Variants in ADGRL1 observed in about 807,000 individuals in gnomAD.
The protein encoded by ADGRL1 is adhesion G protein-coupled receptor L1.
In ADGRL1, 31 loss-of-function variants were observed where a neutral mutation model predicts 148.9. That is an observed-to-expected ratio of 0.21 (90% CI 0.16 to 0.28). The LOEUF (loss-of-function observed/expected upper bound fraction) is 0.28, where lower values mean the gene tolerates loss of function less well. Ranked by LOEUF, ADGRL1 falls within the 10% of genes least tolerant of loss-of-function variation. The probability of loss-of-function intolerance (pLI) is 1.00; values close to 1 mark genes in which losing one functional copy is unlikely to be tolerated. For synonymous variants in ADGRL1, 937 were observed against 900.3 expected (o/e 1.04, Z -0.73); for missense variants, 1,521 against 2,058.8 (o/e 0.74, Z 5.05).
chr19:14,183,208 AGAG>A (rs2145023177), intron 2 of ADGRL1, among the ~76,000 whole-genome samples: 1 of 150,298 alleles, frequency 6.7e-6, no homozygotes, highest in East Asian at 2.0e-4. Flanking sequence ...AGAGAGAGAG[AGAG>A]AGAGAGCGAG....
chr19:14,164,060 ACT>A (rs769761032), intron 4 of ADGRL1, among the ~76,000 whole-genome samples: 1 of 149,414 alleles, frequency 6.7e-6, no homozygotes, highest in African/African-American at 2.5e-5. Context: ...AGGGGTTTCA[ACT>A]CTCTCCCCAG....
intron 1 of ADGRL1, among the ~76,000 whole-genome samples, chr19:14,200,145 G>A (rs1413737612): frequency 6.6e-6 from 1 of 152,222 alleles, no homozygotes; most frequent in African/African-American, 2.4e-5. Flanking sequence ...CAGTTCAGGA[G>A]AGTTAGAAGA....
At chr19:14,156,764 G>C (rs748655849) in intron 15 of ADGRL1, 40 bp from the exon 16 acceptor site, 1 of 1,584,078 alleles carries the variant, frequency 6.3e-7, no homozygotes. Flanking sequence ...GAGAAGCCGA[G>C]GAGCCATTCC....
chr19:14,156,853 G>T (rs1269942812), intron 15 of ADGRL1, 72 bp downstream of exon 15: 11 of 1,553,782 alleles, frequency 7.1e-6, no homozygotes, highest in South Asian at 1.1e-5. Context: ...CGCCCTGAGG[G>T]TCCTGGTCCA....
In ADGRL1 at chr19:14,163,222, G is replaced by A. The variant is rs1365632788; in HGVS notation, c.579C>T (p.Ala193=). ...TEYASWEDYV[A]ARHTTTYRLP... is the part of the protein sequence containing the mutation. ...GGCGGTAGGTGGTGGTGTGGCGGGC[G>A]GCCACGTAGTCCTCCCACGAGGCAT... Residue 193 remains alanine, a synonymous_variant, in exon 5 of 23, where the codon GCC becomes GCT. Transcript: ENST00000361434. 1.9e-5 allele frequency: 31 copies of A among 1,613,308 alleles called. No homozygotes were observed. The highest frequency in any genetic ancestry group is 2.7e-5 in the African/African-American group (2 of 74,930).
In ADGRL1 at chr19:14,150,211, A is replaced by G; in HGVS notation, c.*662T>C. The G allele has an allele frequency of 6.5e-6, 1 of 152,772 alleles. No homozygotes were observed. Among genetic ancestry groups the G allele is most frequent in the Non-Finnish European group, 1.5e-5 (1 of 68,096 alleles). The allele number at this position is 152,772 out of a possible 1,614,324, so 9.5% of individuals were successfully genotyped here. A position where few individuals can be genotyped will look rare whatever the true frequency, so the allele number is the denominator to read the frequency against. On this transcript the variant is annotated 3_prime_UTR_variant, in exon 23 of 23. Transcript: ENST00000361434. ...GGAGGGGGTCATTGGGTGCACTGGG[A>G]GGCAGAGGGGGCAGGTTTGCTTGCG...
chr19:14,178,322 T>C (rs1417932203), intron 2 of ADGRL1, among the ~76,000 whole-genome samples: 2 of 151,876 alleles, frequency 1.3e-5, no homozygotes, highest in Admixed American at 6.6e-5. Flanking sequence ...CTGAGCAATA[T>C]AGTGAAACCC....
intron 3 of ADGRL1, among the ~76,000 whole-genome samples, chr19:14,172,100 TATCC>T (rs1970512070): frequency 6.6e-6 from 1 of 152,194 alleles, no homozygotes; most frequent in Non-Finnish European, 1.5e-5. Context: ...GATCTGTCTG[TATCC>T]ATCCACCTCA....
At chr19:14,174,599 T>TCA (rs1970693920) in intron 3 of ADGRL1, among the ~76,000 whole-genome samples, 1 of 149,646 alleles carries the variant, frequency 6.7e-6, no homozygotes. Context: ...GCAGTGGTGT[T>TCA]ATCTTGGTTC....
chr19:14,155,717 G>GGAAA lies in ADGRL1; in HGVS notation c.3126-194_3126-191dup, dbSNP rs1372536894. The GGAAA allele has an allele frequency of 1.7e-6, 1 of 603,192 alleles. No individual in the cohort carries two copies. Among genetic ancestry groups the GGAAA allele is most frequent in the Non-Finnish European group, 2.9e-6 (1 of 341,316 alleles). The allele number at this position is 603,192 out of a possible 1,614,324, so 37.4% of individuals were successfully genotyped here. ...ACCTCCACCGGAGCCTGGGCCTGAG[G>GGAAA]GAAAGGTACTGGGTCAGGGGTCGGG... On this transcript the variant is annotated intron_variant, in intron 17 of 22. Transcript: ENST00000361434. The surrounding 1 kb of genome is among the most constrained non-coding windows in gnomAD (Gnocchi z 5.0).
Position 14,148,698 on chromosome 19 carries a change from T to C in ADGRL1, c.*2175A>G, listed in dbSNP as rs1967841079. 6.5e-6 allele frequency: 1 copy of C among 152,782 alleles called. No homozygotes were observed. The highest frequency in any genetic ancestry group is 2.4e-5 in the African/African-American group (1 of 41,454). 9.5% of individuals were successfully genotyped at this position (152,782 alleles called of 1,614,324 possible). On this transcript the variant is annotated 3_prime_UTR_variant, in exon 23 of 23. Transcript: ENST00000361434. The stretch of plus-strand genomic sequence containing the variant: ...CTTCACCCATGGTCTTCTGGTGTAA[T>C]GGGTTAGGCCTTTCTACCAGAAAAA...
chr19:14,155,706 C>G lies in ADGRL1; in HGVS notation c.3126-179G>C. On this transcript the variant is annotated intron_variant, in intron 17 of 22. Coordinates refer to ENST00000361434, the MANE Select transcript of ADGRL1 (RefSeq NM_014921.5). The surrounding 1 kb of genome is among the most constrained non-coding windows in gnomAD (Gnocchi z 5.0). ...CTGCCCAGGACACCTCCACCGGAGC[C>G]TGGGCCTGAGGGAAAGGTACTGGGT... The G allele has an allele frequency of 1.6e-6, 1 of 614,302 alleles. No individual in the cohort carries two copies. The highest frequency in any genetic ancestry group is 2.8e-6 in the Non-Finnish European group (1 of 350,972). 38.1% of individuals were successfully genotyped at this position (614,302 alleles called of 1,614,324 possible).
At chr19:14,158,951 G>T in intron 11 of ADGRL1, 139 bp downstream of exon 11, 1 of 1,089,914 alleles carries the variant, frequency 9.2e-7, no homozygotes, top group Non-Finnish European at 1.3e-6. Context: ...CAGGGCCCAT[G>T]AATCCCCTCA....
At chr19:14,170,611 G>A (rs1350281377) in intron 4 of ADGRL1, 71 bp downstream of exon 4, 11 of 913,054 alleles carry the variant, frequency 1.2e-5, no homozygotes, top group East Asian at 2.6e-5. Flanking sequence ...TGTGTGATGG[G>A]TCAAGGTGTC....
Position 14,161,568 on chromosome 19 carries a change from G to T in ADGRL1, c.1254C>A (p.Thr418=). The T allele has an allele frequency of 6.9e-7, 1 of 1,454,220 alleles. No homozygotes were observed. The highest frequency in any genetic ancestry group is 9.0e-7 in the Non-Finnish European group (1 of 1,106,342). The allele number at this position is 1,454,220 out of a possible 1,614,324, so 90.1% of individuals were successfully genotyped here. A position where few individuals can be genotyped will look rare whatever the true frequency, so the allele number is the denominator to read the frequency against. ...TTTTARPTPL[T]STASPAATTP... is the part of the protein sequence containing the mutation. ...TGGTGGCTGCGGGCGAGGCTGTGCT[G>T]GTGAGGGGCGTGGGCCTGGCTGTGG... is the stretch of plus-strand genomic sequence containing the variant. Residue 418 remains threonine, a synonymous_variant, in exon 6 of 23, where the codon ACC becomes ACA. Coordinates refer to ENST00000361434, the MANE Select transcript of ADGRL1 (RefSeq NM_014921.5). This position sits in a 1 kb window ranked among gnomAD's most constrained non-coding sequence, Gnocchi z 4.4.
At chr19:14,169,600 A>G (rs1207103230) in intron 4 of ADGRL1, 2 of 152,308 alleles carry the variant, frequency 1.3e-5, no homozygotes, top group African/African-American at 4.8e-5. Flanking sequence ...CTGTTTCCCC[A>G]GCATCGAGTC....
In ADGRL1 at chr19:14,190,784, G is replaced by A. The variant is rs181233826; in HGVS notation, c.-95-7087C>T. On this transcript the variant is annotated intron_variant, in intron 1 of 22. Coordinates refer to ENST00000361434, the MANE Select transcript of ADGRL1 (RefSeq NM_014921.5). ...TCCTCCAGGTTCATCCATTCCAGAG[G>A]GGTGTTTTAAAAGACAATCTTGGCC... Among the ~76,000 whole-genome samples the A allele has an allele frequency of 6.6e-5, 10 of 152,202 alleles. No individual in the cohort carries two copies. In the East Asian group the frequency reaches 9.7e-4, roughly 15 times the overall value.
intron 4 of ADGRL1, among the ~76,000 whole-genome samples, chr19:14,166,397 C>T (rs1316713569): frequency 6.6e-6 from 1 of 152,016 alleles, no homozygotes; most frequent in African/African-American, 2.4e-5. Flanking sequence ...CAGCTCTGGG[C>T]CTTGGAAACA....
In ADGRL1 at chr19:14,157,395, C is replaced by A; in HGVS notation, c.2601G>T (p.Leu867=). 1 of 1,614,184 alleles carries A rather than the reference C, an allele frequency of 6.2e-7. No homozygotes were observed. Among genetic ancestry groups the A allele is most frequent in the Non-Finnish European group, 8.5e-7 (1 of 1,180,020 alleles). ...TGGAGATGCAGATGGCCAAGCAGAC[C>A]AGGGAGATCACAATGCCCACCCAGG... is the stretch of plus-strand genomic sequence containing the variant. ...VITWVGIVIS[L]VCLAICISTF... is the part of the protein sequence containing the mutation. The change falls in exon 14 of 23, where the codon CTG becomes CTT. Residue 867 remains leucine, a synonymous_variant. Coordinates refer to ENST00000361434, the MANE Select transcript of ADGRL1 (RefSeq NM_014921.5). This position sits in a 1 kb window ranked among gnomAD's most constrained non-coding sequence, Gnocchi z 7.5.
Sources: allele counts gnomAD v4.1 joint callset (sites outside exome capture counted in the v4.1 genomes callset), GRCh38; gene constraint gnomAD v4.1.1; non-coding constraint Gnocchi (gnomAD v3.1); transcripts MANE v1.5; gene names NCBI Gene and HGNC (gene_info 2026-07-23, HGNC 2026-07-21).